The following DUSP15 variants were observed in gnomAD, a reference collection of about 807,000 sequenced individuals.
The protein encoded by DUSP15 is dual specificity phosphatase 15.
A neutral mutation model predicts 26.3 loss-of-function variants in DUSP15; 23 were observed. That is an observed-to-expected ratio of 0.87 (90% CI 0.63 to 1.24). The LOEUF is 1.24. Ranked by LOEUF, DUSP15 falls within the 50% of genes most tolerant of loss-of-function variation. The pLI is 0.00. For missense variants in DUSP15, 364 were observed against 320.6 expected (o/e 1.14, Z -1.03); for synonymous variants, 143 against 135.5 (o/e 1.06, Z -0.39).
intron 6 of DUSP15, among the ~76,000 whole-genome samples, chr20:31,855,455 A>G (rs1472649783): frequency 1.3e-5 from 2 of 152,154 alleles, no homozygotes; most frequent in Non-Finnish European, 2.9e-5. Flanking sequence ...GAAATTAAGG[A>G]GGAAGAGATA....
chr20:31,863,220 A>G (rs2123267921), intron 5 of DUSP15, among the ~76,000 whole-genome samples: 1 of 152,292 alleles, frequency 6.6e-6, no homozygotes, highest in Non-Finnish European at 1.5e-5. Context: ...TTCCCAAGGA[A>G]TAGATATCAA....
exon 9 of DUSP15, chr20:31,848,847 C>G: frequency 1.2e-6 from 2 of 1,612,230 alleles, no homozygotes; most frequent in Non-Finnish European, 1.7e-6. Context: ...TGTGTGGGGC[C>G]CGGGTCCTCC....
At chr20:31,857,902 T>C (rs2062587444), downstream of DUSP15, among the ~76,000 whole-genome samples, 1 of 152,102 alleles carries the variant, frequency 6.6e-6, no homozygotes, top group African/African-American at 2.4e-5. Context: ...TTCCCATTAG[T>C]GCATTGGTGG....
chr20:31,847,514 A>T (rs1431742039), downstream of DUSP15: 4 of 152,214 alleles, frequency 2.6e-5, no homozygotes, highest in East Asian at 5.8e-4. Context: ...ATCGAATCAC[A>T]GTTTTCCCCC....
At chr20:31,868,570 C>T (rs1447960412) in intron 2 of DUSP15, among the ~76,000 whole-genome samples, 2 of 151,434 alleles carry the variant, frequency 1.3e-5, no homozygotes, top group African/African-American at 2.4e-5. Context: ...ACCCCCGCCT[C>T]CCGGGTTCAA....
At chr20:31,850,627 A>G (rs758373727) in exon 7 of DUSP15, 31 of 1,611,696 alleles carry the variant, frequency 1.9e-5, no homozygotes, top group Non-Finnish European at 2.4e-5. Context: ...TGCTGAAGTC[A>G]TCGGAGGGCA....
rs764190282 is a variant in DUSP15, at chr20:31,863,892, C to G, written c.263+15G>C. On this transcript the variant is annotated intron_variant, in intron 5 of 6. Coordinates refer to ENST00000339738, the MANE Select transcript of DUSP15 (RefSeq NM_080611.5). ...TTCCTTCCTCCCCCACCTTATCCCC[C>G]TCCGCTTAACTCACCAGTGCACAAG... The G allele has an allele frequency of 6.2e-7, 1 of 1,612,956 alleles. No homozygotes were observed. Among genetic ancestry groups the G allele is most frequent in the Non-Finnish European group, 8.5e-7 (1 of 1,179,058 alleles).
intron 6 of DUSP15, among the ~76,000 whole-genome samples, chr20:31,855,517 C>G (rs1161006722): frequency 6.6e-6 from 1 of 152,154 alleles, no homozygotes; most frequent in East Asian, 1.9e-4. Context: ...ATTCCATGAG[C>G]TTTGGGCACC....
Position 31,870,243 on chromosome 20 carries a change from G to T in DUSP15, c.21+74C>A. ...GAGAACAGAAGGTCAGAGGCGGGCG[G>T]ACCGAGCTGGTCAGCGCCGGGCCGC... On this transcript the variant is annotated intron_variant, in intron 1 of 6. Coordinates refer to ENST00000339738, the MANE Select transcript of DUSP15 (RefSeq NM_080611.5). The surrounding 1 kb of genome is among the most constrained non-coding windows in gnomAD (Gnocchi z 6.6). 1.6e-6 allele frequency: 2 copies of T among 1,225,958 alleles called. No homozygotes were observed. Among genetic ancestry groups the T allele is most frequent in the South Asian group, 4.2e-5 (1 of 24,054 alleles). 75.9% of individuals were successfully genotyped at this position (1,225,958 alleles called of 1,614,324 possible). A position where few individuals can be genotyped will look rare whatever the true frequency, so the allele number is the denominator to read the frequency against.
chr20:31,863,084 G>C (rs967440022), intron 5 of DUSP15, among the ~76,000 whole-genome samples: 19 of 149,294 alleles, frequency 1.3e-4, no homozygotes, highest in South Asian at 1.0e-3. Flanking sequence ...CTGGGGGGGG[G>C]GGACAGACGT....
At chr20:31,859,737 AGCCTCC>A (rs1329262779), downstream of DUSP15, among the ~76,000 whole-genome samples, 1 of 152,098 alleles carries the variant, frequency 6.6e-6, no homozygotes, top group East Asian at 1.9e-4. Context: ...GGCTCACTAC[AGCCTCC>A]GCCTCCATGG....
At chr20:31,849,037 TACCCTAGGCCCAC>T in intron 8 of DUSP15, 1 of 696,322 alleles carries the variant, frequency 1.4e-6, no homozygotes, top group East Asian at 2.7e-5. Context: ...TGTGTGCCTG[TACCCTAGGCCCAC>T]TTCCACGTTC....
chr20:31,846,080 A>T (rs1033490218), downstream of DUSP15, among the ~76,000 whole-genome samples: 1 of 150,710 alleles, frequency 6.6e-6, no homozygotes, highest in Admixed American at 6.6e-5. Context: ...ACGTACAGAC[A>T]CACAGAGACA....
exon 10 of DUSP15, chr20:31,848,256 G>A (rs915857794): frequency 1.3e-5 from 11 of 873,522 alleles, no homozygotes; most frequent in African/African-American, 3.5e-5. Flanking sequence ...CTCGAGTTCC[G>A]GGGCCCCGTG....
chr20:31,848,506 G>T (rs1184432071), exon 10 of DUSP15: 1 of 1,609,960 alleles, frequency 6.2e-7, no homozygotes, highest in Non-Finnish European at 8.5e-7. Flanking sequence ...ACCCATCTGG[G>T]CGCTCGGTTG....
chr20:31,865,388 C>T (rs1201689494), intron 3 of DUSP15, among the ~76,000 whole-genome samples: 2 of 152,132 alleles, frequency 1.3e-5, no homozygotes, highest in East Asian at 3.9e-4. Context: ...TGAAAAGAAA[C>T]AAAAATCATG....
At chr20:31,866,767 G>C (rs2062775802) in intron 3 of DUSP15, among the ~76,000 whole-genome samples, 1 of 152,182 alleles carries the variant, frequency 6.6e-6, no homozygotes, top group African/African-American at 2.4e-5. Context: ...CCATCCAGTT[G>C]GGTCATGGGA....
chr20:31,855,332 A>G (rs543863310), intron 6 of DUSP15, among the ~76,000 whole-genome samples: 6 of 152,326 alleles, frequency 3.9e-5, no homozygotes, highest in African/African-American at 1.4e-4. Flanking sequence ...CATGAAACTG[A>G]TACAAGTGTT....
chr20:31,867,253 C>T (rs926588746), intron 2 of DUSP15, 100 bp from the exon 3 acceptor site: 2 of 1,030,566 alleles, frequency 1.9e-6, no homozygotes, highest in Non-Finnish European at 2.9e-6. Context: ...CCTCTCACCC[C>T]ACCACTCCAC....
Sources: allele counts gnomAD v4.1 joint callset (sites outside exome capture counted in the v4.1 genomes callset), GRCh38; gene constraint gnomAD v4.1.1; non-coding constraint Gnocchi (gnomAD v3.1); transcripts MANE v1.5; gene names NCBI Gene and HGNC (gene_info 2026-07-23, HGNC 2026-07-21).